Variants in TSHR observed in about 807,000 individuals in gnomAD.
TSHR encodes the protein thyroid stimulating hormone receptor, also known as thyrotropin receptor.
A neutral mutation model predicts 64.1 loss-of-function variants in TSHR; 51 were observed. The observed-to-expected ratio is 0.80, with a 90% CI of 0.64 to 1.01. TSHR has a LOEUF of 1.01. Among genes scored for constraint, TSHR ranks in the 50% least tolerant of loss-of-function variants. The pLI is 0.00. For missense variants in TSHR, 877 were observed against 942.8 expected, an observed-to-expected ratio of 0.93 and a Z score of 0.91; for synonymous variants, 361 against 361.9, an observed-to-expected ratio of 1.00 and a Z score of 0.03.
At chr14:81,011,315 G>A (rs975350993) in intron 1 of TSHR, among the ~76,000 whole-genome samples, 1 of 151,942 alleles carries the variant, frequency 6.6e-6, no homozygotes, top group African/African-American at 2.4e-5. Context: ...CATTTTTAGG[G>A]ACAGGGAAAA....
intron 7 of TSHR, among the ~76,000 whole-genome samples, chr14:81,102,394 A>G (rs942389384): frequency 1.3e-5 from 2 of 152,204 alleles, no homozygotes; most frequent in Admixed American, 1.3e-4. Flanking sequence ...CCCTTGAAAC[A>G]TAGGAAAGAA....
chr14:81,049,565 G>A (rs982783573), intron 1 of TSHR: 5 of 151,900 alleles, frequency 3.3e-5, no homozygotes, highest in Non-Finnish European at 5.9e-5. Flanking sequence ...GAGGGTTGAG[G>A]AAGAGCAAAG....
At chr14:81,067,483 T>TATATATATATATATA (rs10528933) in intron 2 of TSHR, among the ~76,000 whole-genome samples, 86 of 134,954 alleles carry the variant, frequency 6.4e-4, no homozygotes, top group African/African-American at 2.3e-3. Flanking sequence ...GTTTATAGTT[T>TATATATATATATATA]TATATATATA....
intron 1 of TSHR, among the ~76,000 whole-genome samples, chr14:80,997,324 G>C (rs536235805): frequency 6.6e-6 from 1 of 152,270 alleles, no homozygotes; most frequent in African/African-American, 2.4e-5. Flanking sequence ...GGATAATTCT[G>C]TGAGCTAAAC....
chr14:81,113,087 T>A (rs896690639), intron 8 of TSHR, among the ~76,000 whole-genome samples: 1 of 152,188 alleles, frequency 6.6e-6, no homozygotes, highest in African/African-American at 2.4e-5. Context: ...GGCTGTTGTG[T>A]TGAAAATAAA....
chr14:81,007,243 A>C, intron 1 of TSHR, among the ~76,000 whole-genome samples: 1 of 152,218 alleles, frequency 6.6e-6, no homozygotes, highest in East Asian at 1.9e-4. Flanking sequence ...CCTTGATCTT[A>C]GACTATCCAA....
intron 1 of TSHR, among the ~76,000 whole-genome samples, chr14:81,061,838 A>C (rs1280778310): frequency 2.6e-5 from 4 of 152,120 alleles, no homozygotes; most frequent in African/African-American, 4.8e-5. Flanking sequence ...AAGACCCCCC[A>C]AAAAATATTG....
chr14:81,098,550 T>G (rs1329889666), intron 7 of TSHR, among the ~76,000 whole-genome samples: 4 of 152,192 alleles, frequency 2.6e-5, no homozygotes, highest in Admixed American at 6.5e-5. Context: ...AAATTTTCTA[T>G]GAATGGAGTA....
At chr14:81,050,848 A>C (rs900118289) in intron 1 of TSHR, 2 of 152,034 alleles carry the variant, frequency 1.3e-5, no homozygotes, top group Non-Finnish European at 2.9e-5. Flanking sequence ...CCCTTTTTTC[A>C]ATTTTGAAAG....
At chr14:80,963,788 C>T (rs1333302673) in intron 1 of TSHR, among the ~76,000 whole-genome samples, 1 of 152,160 alleles carries the variant, frequency 6.6e-6, no homozygotes, top group Non-Finnish European at 1.5e-5. Context: ...GTCTGATGAC[C>T]TGACTCAGGG....
chr14:81,068,667 T>C (rs902470544), intron 3 of TSHR, among the ~76,000 whole-genome samples: 2 of 152,204 alleles, frequency 1.3e-5, no homozygotes, highest in East Asian at 1.9e-4. Flanking sequence ...TGTGCAAGAT[T>C]CTACAAAGCT....
At chr14:81,062,801 C>A (rs891536143) in intron 2 of TSHR, among the ~76,000 whole-genome samples, 1 of 152,098 alleles carries the variant, frequency 6.6e-6, no homozygotes, top group African/African-American at 2.4e-5. Context: ...GTCTTTATTT[C>A]ATTTAATTGA....
At chr14:80,995,642 G>T (rs1402059658) in intron 1 of TSHR, 1 of 151,950 alleles carries the variant, frequency 6.6e-6, no homozygotes, top group Non-Finnish European at 1.5e-5. Flanking sequence ...ACACATGGGT[G>T]CATAGAGGGA....
intron 1 of TSHR, among the ~76,000 whole-genome samples, chr14:80,980,780 A>T (rs993860937): frequency 6.6e-6 from 1 of 151,810 alleles, no homozygotes. Context: ...TTGCCTTTTA[A>T]CTTCTCTTTT....
intron 8 of TSHR, among the ~76,000 whole-genome samples, chr14:81,118,523 A>G (rs1358422757): frequency 6.6e-6 from 1 of 150,426 alleles, no homozygotes; most frequent in Non-Finnish European, 1.5e-5. Flanking sequence ...AAGGAAATAA[A>G]AGAGGATACA....
At chr14:81,120,451 G>A (rs180750521) in intron 8 of TSHR, among the ~76,000 whole-genome samples, 98 of 152,210 alleles carry the variant, frequency 6.4e-4, no homozygotes, top group African/African-American at 2.3e-3. Flanking sequence ...TTATAAATGG[G>A]ATTGTTTTCT....
intron 1 of TSHR, among the ~76,000 whole-genome samples, chr14:81,002,768 G>A (rs1375558530): frequency 8.3e-6 from 1 of 120,534 alleles, no homozygotes; most frequent in African/African-American, 3.2e-5. Flanking sequence ...TCTCATTAAG[G>A]TCCCTAATGC....
At chr14:80,989,117 C>T (rs192790236) in intron 1 of TSHR, among the ~76,000 whole-genome samples, 147 of 152,290 alleles carry the variant, frequency 9.7e-4, no homozygotes, top group African/African-American at 3.3e-3. Flanking sequence ...ATTGTCCTTA[C>T]TTCTGTTATC....
chr14:81,009,416 G>T (rs112185380), intron 1 of TSHR, among the ~76,000 whole-genome samples: 2 of 148,810 alleles, frequency 1.3e-5, no homozygotes, highest in Non-Finnish European at 3.0e-5. Flanking sequence ...ACCCCTATGC[G>T]CCCACCTCCA....
Sources: allele counts gnomAD v4.1 joint callset (sites outside exome capture counted in the v4.1 genomes callset), GRCh38; gene constraint gnomAD v4.1.1; transcripts MANE v1.5; gene names NCBI Gene and HGNC (gene_info 2026-07-23, HGNC 2026-07-21).